PCDHA10: variants seen among roughly 807,000 people sequenced by gnomAD.
PCDHA10 encodes protocadherin alpha 10.
A neutral mutation model predicts 61.2 loss-of-function variants in PCDHA10; 45 were observed. That is an observed-to-expected ratio of 0.74 (90% CI 0.58 to 0.94). The LOEUF is 0.94. Ranked by LOEUF, PCDHA10 falls within the 40% of genes least tolerant of loss-of-function variation. The pLI is 0.00. For synonymous variants in PCDHA10, 602 were observed against 548.8 expected (o/e 1.10, Z -1.35); for missense variants, 1,278 against 1,236.2 (o/e 1.03, Z -0.51).
intron 3 of PCDHA10, among the ~76,000 whole-genome samples, chr5:141,003,398 G>A (rs1282074480): frequency 1.3e-5 from 2 of 152,114 alleles, no homozygotes; most frequent in African/African-American, 4.8e-5. Flanking sequence ...TGAAACCTCC[G>A]CCTCCCGGGT....
At chr5:140,860,333 A>T (rs147859732) in intron 1 of PCDHA10, 1 of 152,198 alleles carries the variant, frequency 6.6e-6, no homozygotes, top group African/African-American at 2.4e-5. Context: ...GTGACCCATG[A>T]TTGTGCCACT....
chr5:140,902,324 C>T (rs1554190388), intron 1 of PCDHA10, among the ~76,000 whole-genome samples: 1 of 151,472 alleles, frequency 6.6e-6, no homozygotes, highest in Non-Finnish European at 1.5e-5. Flanking sequence ...AGGTGTAACT[C>T]ACTTCGCCTG....
chr5:140,988,495 G>GT (rs2097300130), intron 3 of PCDHA10, among the ~76,000 whole-genome samples: 1 of 152,158 alleles, frequency 6.6e-6, no homozygotes, highest in Non-Finnish European at 1.5e-5. Context: ...CTACCTAGGA[G>GT]AAGCCATGAA....
rs2043700176 is a variant in PCDHA10 at position 140,855,965 on chromosome 5, A to G, written c.-84A>G. The G allele has an allele frequency of 7.1e-7, 1 of 1,417,586 alleles. No individual in the cohort carries two copies. The highest frequency in any genetic ancestry group is 9.6e-7 in the Non-Finnish European group (1 of 1,044,668). The allele number at this position is 1,417,586 out of a possible 1,614,324, so 87.8% of individuals were successfully genotyped here. A position where few individuals can be genotyped will look rare whatever the true frequency, so the allele number is the denominator to read the frequency against. On this transcript the variant is annotated 5_prime_UTR_variant, in exon 1 of 4. It adds an upstream start codon to the 5' untranslated region. Transcript: ENST00000307360. Reference sequence around the variant, plus strand: ...TCAGCCATTTCGATAAAAAATAGATATAAGAAATAGGACAGAAAATGTCAG... The same window carrying G: ...TCAGCCATTTCGATAAAAAATAGATGTAAGAAATAGGACAGAAAATGTCAG...
rs1554151505 is a variant in PCDHA10 at position 140,858,367 on chromosome 5, C to T, written c.2319C>T (p.Ser773=). 1.8e-5 allele frequency: 28 copies of T among 1,590,300 alleles called. 2 individuals carry two copies. Among genetic ancestry groups the T allele is most frequent in the Non-Finnish European group, 2.3e-5 (27 of 1,162,754 alleles). Residue 773 remains serine, a synonymous_variant, in exon 1 of 4, where the codon AGC becomes AGT. Transcript: ENST00000307360. ...CGGACCTCATGGCCTTCAGCCCCAG[C>T]CTTCCACCATGCCCAATGGTAGATG... ...PKADLMAFSP[S]LPPCPMVDVD...
Position 141,009,922 on chromosome 5 carries a change from C to G in PCDHA10, c.2832C>G (p.Asp944Glu), listed in dbSNP as rs1554262572. 6.2e-7 allele frequency: 1 copy of G among 1,608,774 alleles called. No individual in the cohort carries two copies. Among genetic ancestry groups the G allele is most frequent in the South Asian group, 1.1e-5 (1 of 90,050 alleles). The change falls in exon 4 of 4, where the codon GAC becomes GAG. Residue 944 changes from aspartate to glutamate, a missense_variant. Coordinates refer to ENST00000307360, the MANE Select transcript of PCDHA10 (RefSeq NM_018901.4). ...AAGAGAAAGGGAACAGCACGACTGACAACAGTGACCAGTGAGGTCCTCAAA... is the reference window on the plus strand; with the variant it reads ...AAGAGAAAGGGAACAGCACGACTGAGAACAGTGACCAGTGAGGTCCTCAAA... ...EKKEKGNSTT[D>E]NSDQ
chr5:140,923,333 T>C lies in PCDHA10; in HGVS notation c.2389-55616T>C, dbSNP rs180734722. Among the ~76,000 whole-genome samples the C allele has an allele frequency of 8.0e-3, 1,225 of 152,228 alleles. 6 individuals are homozygous for C. The highest frequency in any genetic ancestry group is 0.019 in the African/African-American group (792 of 41,544). On this transcript the variant is annotated intron_variant, in intron 1 of 3. Coordinates refer to ENST00000307360, the MANE Select transcript of PCDHA10 (RefSeq NM_018901.4). ...CTTGGCCTAGAAGTTCAAGGACAGT[T>C]TGGGCAACATAGTGGGACCCTATCT...
chr5:140,884,418 T>C, intron 1 of PCDHA10: 2 of 1,613,974 alleles, frequency 1.2e-6, no homozygotes, highest in South Asian at 2.2e-5. Flanking sequence ...ACGTTGCTGC[T>C]GTATACTGCG....
chr5:140,884,935 A>G lies in PCDHA10; in HGVS notation c.2388+26499A>G, dbSNP rs577267570. ...AATAGTTCTAAGTATTTATCTTGCA[A>G]TTGAGCATTTACAAAAAATTCCTCA... On this transcript the variant is annotated intron_variant, in intron 1 of 3. Coordinates refer to ENST00000307360, the MANE Select transcript of PCDHA10 (RefSeq NM_018901.4). Among the ~76,000 whole-genome samples, 4 of 152,344 alleles carry G rather than the reference A, an allele frequency of 2.6e-5. No homozygotes were observed. In the East Asian group the frequency reaches 5.8e-4, roughly 22 times the overall value.
At position 140,871,521 on chromosome 5, in the gene PCDHA10, C is replaced by T. The variant is rs1554165698; in HGVS notation, c.2388+13085C>T. 3.2e-6 allele frequency: 5 copies of T among 1,553,236 alleles called. No individual in the cohort carries two copies. In the Admixed American group the frequency reaches 1.0e-4, roughly 31 times the overall value. On this transcript the variant is annotated intron_variant, in intron 1 of 3. Transcript: ENST00000307360. ...TGAGTTTTCTACAGATTCCACCTAT[C>T]AGGAAGTGTATGTGAAATTATTTAA...
At chr5:140,918,186 C>T (rs1177570782) in intron 1 of PCDHA10, among the ~76,000 whole-genome samples, 1 of 151,888 alleles carries the variant, frequency 6.6e-6, no homozygotes, top group Non-Finnish European at 1.5e-5. Flanking sequence ...TTGATTTGGC[C>T]CTCAGCTTGG....
intron 1 of PCDHA10, chr5:140,871,163 GC>G: frequency 6.2e-7 from 1 of 1,613,476 alleles, no homozygotes; most frequent in Non-Finnish European, 8.5e-7. Context: ...GGCGCCGCGA[GC>G]CCAGAGGCTG....
intron 3 of PCDHA10, 48 bp from the exon 4 acceptor site, chr5:141,009,579 A>T: frequency 6.3e-7 from 1 of 1,586,202 alleles, no homozygotes; most frequent in Non-Finnish European, 8.6e-7. Context: ...TGTGGCATCA[A>T]GAGCATGTGT....
intron 1 of PCDHA10, chr5:140,928,844 C>T (rs782361945): frequency 1.2e-6 from 2 of 1,614,168 alleles, no homozygotes; most frequent in Non-Finnish European, 1.7e-6. Flanking sequence ...TCCTCTGTCA[C>T]TCTGGGTGTG....
At position 140,903,816 on chromosome 5, in the gene PCDHA10, C is replaced by T. The variant is rs963125816; in HGVS notation, c.2388+45380C>T. On this transcript the variant is annotated intron_variant, in intron 1 of 3. Coordinates refer to ENST00000307360, the MANE Select transcript of PCDHA10 (RefSeq NM_018901.4). ...TTGTAATTGACAAGTATAGTTCTCACATGAATGTCTGTTGGTATTTTCATT... is the reference window on the plus strand; with the variant it reads ...TTGTAATTGACAAGTATAGTTCTCATATGAATGTCTGTTGGTATTTTCATT... Among the ~76,000 whole-genome samples, 7 of 152,190 alleles carry T rather than the reference C, an allele frequency of 4.6e-5. 1 individual carries two copies. The highest frequency in any genetic ancestry group is 2.6e-4 in the Admixed American group (4 of 15,282).
intron 3 of PCDHA10, among the ~76,000 whole-genome samples, chr5:140,984,004 A>G (rs1039333145): frequency 6.6e-6 from 1 of 152,196 alleles, no homozygotes; most frequent in Admixed American, 6.5e-5. Context: ...TTAGAGAGCT[A>G]ATATTGCCAG....
chr5:140,876,326 T>C, intron 1 of PCDHA10: 4 of 1,614,046 alleles, frequency 2.5e-6, no homozygotes, highest in Non-Finnish European at 3.4e-6. Context: ...AAAATGATTT[T>C]GCCAGTGAGT....
At chr5:141,006,612 AAGG>A (rs2098279964) in intron 3 of PCDHA10, among the ~76,000 whole-genome samples, 1 of 152,204 alleles carries the variant, frequency 6.6e-6, no homozygotes, top group African/African-American at 2.4e-5. Flanking sequence ...CAGACTGAAT[AAGG>A]AGACTATTGC....
chr5:140,965,496 ATTT>A (rs71766133), intron 1 of PCDHA10, among the ~76,000 whole-genome samples: 1 of 146,428 alleles, frequency 6.8e-6, no homozygotes. Flanking sequence ...ATGACAGCAG[ATTT>A]TTTTTTTTTT....
Sources: gnomAD v4.1 joint callset for allele counts (sites outside exome capture counted in the v4.1 genomes callset) on GRCh38, gnomAD v4.1.1 for gene constraint, MANE v1.5 for transcripts, NCBI Gene and HGNC (gene_info 2026-07-23, HGNC 2026-07-21) for gene names.